TMC1: variants seen among roughly 807,000 people sequenced by gnomAD.
TMC1 encodes transmembrane channel like 1.
A neutral mutation model predicts 105.8 loss-of-function variants in TMC1; 84 were observed. The observed-to-expected ratio is 0.79, with a 90% CI of 0.67 to 0.95. The LOEUF is 0.95. TMC1 is among the 40% of genes least tolerant of loss of function. TMC1 has a pLI of 0.00. For missense variants in TMC1, 817 were observed against 914.1 expected (o/e 0.89, Z 1.37); for synonymous variants, 315 against 311.5 (o/e 1.01, Z -0.12).
intron 8 of TMC1, 88 bp downstream of exon 8, chr9:72,700,731 TATATATATATATAC>T: frequency 1.7e-5 from 3 of 171,630 alleles, no homozygotes; most frequent in South Asian, 1.0e-4. Context: ...TATATATATA[TATATATATATATAC>T]ACACACACAC....
intron 8 of TMC1, among the ~76,000 whole-genome samples, chr9:72,706,971 T>A (rs995540994): frequency 2.4e-4 from 36 of 152,032 alleles, no homozygotes; most frequent in African/African-American, 8.2e-4. Context: ...GATGGGGTTT[T>A]GCCATGTTGG....
At chr9:72,650,301 A>G (rs1825779928) in intron 5 of TMC1, among the ~76,000 whole-genome samples, 1 of 152,190 alleles carries the variant, frequency 6.6e-6, no homozygotes, top group Non-Finnish European at 1.5e-5. Flanking sequence ...ATGGAAAAAA[A>G]TGATAGACTT....
At chr9:72,725,250 T>A (rs889370537) in intron 8 of TMC1, among the ~76,000 whole-genome samples, 1 of 148,848 alleles carries the variant, frequency 6.7e-6, no homozygotes, top group Non-Finnish European at 1.5e-5. Flanking sequence ...TGAAATACAT[T>A]GTATTCAAAT....
At chr9:72,660,065 C>T (rs117289917) in intron 5 of TMC1, among the ~76,000 whole-genome samples, 2 of 152,210 alleles carry the variant, frequency 1.3e-5, no homozygotes, top group East Asian at 3.9e-4. Flanking sequence ...CATCAATGCA[C>T]TGTGTGGATT....
chr9:72,834,731 T>G (rs994521118), intron 23 of TMC1, among the ~76,000 whole-genome samples: 1 of 152,062 alleles, frequency 6.6e-6, no homozygotes, highest in Non-Finnish European at 1.5e-5. Context: ...TTAGAAAAAA[T>G]TATTCCAGTC....
intron 8 of TMC1, among the ~76,000 whole-genome samples, chr9:72,708,156 G>T (rs1307331175): frequency 6.6e-6 from 1 of 152,086 alleles, no homozygotes; most frequent in Non-Finnish European, 1.5e-5. Flanking sequence ...CTGCTGTTTT[G>T]GTGACCATAG....
At chr9:72,791,789 C>A (rs1828271342) in intron 15 of TMC1, 97 bp from the exon 16 acceptor site, 2 of 1,009,644 alleles carry the variant, frequency 2.0e-6, no homozygotes, top group Middle Eastern at 3.0e-4. Flanking sequence ...TAAAAAAGAT[C>A]AAAGAAGCCT....
intron 12 of TMC1, among the ~76,000 whole-genome samples, chr9:72,760,414 C>T (rs1397107970): frequency 6.6e-6 from 1 of 152,068 alleles, no homozygotes; most frequent in Non-Finnish European, 1.5e-5. Flanking sequence ...ATAATCCTGA[C>T]TTTTGCAAAG....
chr9:72,540,429 G>A (rs1221754783), intron 1 of TMC1, among the ~76,000 whole-genome samples: 1 of 151,834 alleles, frequency 6.6e-6, no homozygotes, highest in African/African-American at 2.4e-5. Flanking sequence ...TAAAATCAGG[G>A]GCAGACAGAC....
rs1018893501 is a variant in TMC1 at position 72,574,575 on chromosome 9, G to A, written c.-427-3327G>A. ...CTGGTAATATGGAATTAGCTTTTGG[G>A]ATCAACTGGAAAATGTCAGAGGGCG... On this transcript the variant is annotated intron_variant, in intron 1 of 23. Transcript: ENST00000297784. Among the ~76,000 whole-genome samples, 3 of 152,296 alleles carry A rather than the reference G, an allele frequency of 2.0e-5. 1 individual carries two copies. The East Asian group carries it at 5.8e-4, about 29-fold the overall frequency.
chr9:72,642,617 T>G (rs533976681), intron 4 of TMC1, among the ~76,000 whole-genome samples: 1 of 152,318 alleles, frequency 6.6e-6, no homozygotes, highest in Admixed American at 6.5e-5. Flanking sequence ...ATCCAAAAAT[T>G]TGTATGAAAT....
intron 8 of TMC1, among the ~76,000 whole-genome samples, chr9:72,733,286 T>C (rs1187705832): frequency 6.6e-6 from 1 of 151,790 alleles, no homozygotes; most frequent in Admixed American, 6.6e-5. Context: ...GGGCTCAGGA[T>C]AGAATTCCTG....
intron 8 of TMC1, among the ~76,000 whole-genome samples, chr9:72,731,123 G>A (rs1169993102): frequency 6.6e-6 from 1 of 152,132 alleles, no homozygotes; most frequent in African/African-American, 2.4e-5. Flanking sequence ...CTGTGCCAGT[G>A]GCCACGACCT....
rs570627282 is a variant in TMC1 at position 72,550,156 on chromosome 9, A to G, written c.-427-27746A>G. On this transcript the variant is annotated intron_variant, in intron 1 of 23. Transcript: ENST00000297784. The stretch of plus-strand genomic sequence containing the variant: ...AAAGGTGAAGCAGGACTTTTTTGTA[A>G]TTTGAGGATTTAAAAGCATGGTTGC... Among the ~76,000 whole-genome samples, 9 of 151,910 alleles carry G rather than the reference A, an allele frequency of 5.9e-5. No homozygotes were observed. The East Asian group carries it at 1.8e-3, about 30-fold the overall frequency.
intron 2 of TMC1, among the ~76,000 whole-genome samples, chr9:72,583,832 T>C (rs1312609976): frequency 6.8e-6 from 1 of 147,868 alleles, no homozygotes. Flanking sequence ...AATAACAGTA[T>C]CTGTAGGCTG....
chr9:72,632,681 G>C (rs1445123721), intron 4 of TMC1, among the ~76,000 whole-genome samples: 2 of 151,908 alleles, frequency 1.3e-5, no homozygotes, highest in African/African-American at 4.8e-5. Flanking sequence ...TATGCAGATT[G>C]GAAAGGCTCA....
Position 72,836,071 on chromosome 9 carries a change from A to C in TMC1, c.*98A>C. 1.4e-6 allele frequency: 2 copies of C among 1,385,586 alleles called. No individual in the cohort carries two copies. The highest frequency in any genetic ancestry group is 2.0e-6 in the Non-Finnish European group (2 of 981,078). 85.8% of individuals were successfully genotyped at this position (1,385,586 alleles called of 1,614,324 possible). A position where few individuals can be genotyped will look rare whatever the true frequency, so the allele number is the denominator to read the frequency against. The stretch of plus-strand genomic sequence containing the variant: ...AGAGAACAAGCACTGTGGAACTGCT[A>C]TTTTCCTGTTCTACCCTTGATGGAT... On this transcript the variant is annotated 3_prime_UTR_variant, in exon 24 of 24. Coordinates refer to ENST00000297784, the MANE Select transcript of TMC1 (RefSeq NM_138691.3).
Position 72,836,206 on chromosome 9 carries a change from G to T in TMC1, c.*233G>T. The T allele has an allele frequency of 7.0e-6, 4 of 575,006 alleles. No homozygotes were observed. Among genetic ancestry groups the T allele is most frequent in the Non-Finnish European group, 1.2e-5 (4 of 323,266 alleles). The allele number at this position is 575,006 out of a possible 1,614,324, so 35.6% of individuals were successfully genotyped here. A position where few individuals can be genotyped will look rare whatever the true frequency, so the allele number is the denominator to read the frequency against. On this transcript the variant is annotated 3_prime_UTR_variant, in exon 24 of 24. Coordinates refer to ENST00000297784, the MANE Select transcript of TMC1 (RefSeq NM_138691.3). ...TTTCTGCAGAGCCACTCTCTCCCCT[G>T]CTCCATTTCGTGACTTTTTTTTTTT...
chr9:72,568,296 C>T (rs1019654719), intron 1 of TMC1, among the ~76,000 whole-genome samples: 8 of 152,036 alleles, frequency 5.3e-5, no homozygotes, highest in Non-Finnish European at 8.8e-5. Flanking sequence ...CTTGAGGCAA[C>T]GAAGGTAGGA....
Sources: gnomAD v4.1 joint callset for allele counts (sites outside exome capture counted in the v4.1 genomes callset) on GRCh38, gnomAD v4.1.1 for gene constraint, MANE v1.5 for transcripts, NCBI Gene and HGNC (gene_info 2026-07-23, HGNC 2026-07-21) for gene names.